Variants in SUN5 observed in about 807,000 individuals in gnomAD.
SUN5 encodes the protein SUN domain-containing protein 5.
SUN5 carries 44 observed loss-of-function variants against 53.7 expected under a neutral mutation model. That is an observed-to-expected ratio of 0.82 (90% CI 0.64 to 1.05). The LOEUF is 1.05. Ranked by LOEUF, SUN5 falls within the 50% of genes least tolerant of loss-of-function variation. SUN5 has a pLI of 0.00. For synonymous variants in SUN5, 166 were observed against 179.8 expected, an observed-to-expected ratio of 0.92 and a Z score of 0.62; for missense variants, 433 against 483.8, an observed-to-expected ratio of 0.90 and a Z score of 0.98.
In SUN5 at chr20:32,987,791, G is replaced by C. The variant is rs1246232327; in HGVS notation, c.614-16C>G. 4 of 1,604,344 alleles carry C rather than the reference G, an allele frequency of 2.5e-6. No individual in the cohort carries two copies. The highest frequency in any genetic ancestry group is 2.2e-5 in the East Asian group (1 of 44,686). ...ATGCTGGCCCCTGTATAGGAGAAGG[G>C]GGTCTCAGCCAAGCAGCCGGGCTTC... is the stretch of plus-strand genomic sequence containing the variant. On this transcript the variant is annotated splice_polypyrimidine_tract_variant and intron_variant, in intron 9 of 12. Transcript: ENST00000356173.
At chr20:33,001,066 G>C in intron 4 of SUN5, 146 bp downstream of exon 4, 1 of 837,774 alleles carries the variant, frequency 1.2e-6, no homozygotes, top group South Asian at 1.7e-5. Context: ...GGGTTCTGGG[G>C]TGGGAGTGTT....
chr20:32,996,980 C>T (rs1294254953), intron 6 of SUN5, among the ~76,000 whole-genome samples: 1 of 152,224 alleles, frequency 6.6e-6, no homozygotes, highest in Non-Finnish European at 1.5e-5. Flanking sequence ...TAGGACCTGG[C>T]TCCTTCCTTC....
chr20:33,001,035 G>T (rs1172943274), intron 4 of SUN5, among the ~76,000 whole-genome samples, 177 bp downstream of exon 4: 1 of 152,094 alleles, frequency 6.6e-6, no homozygotes, highest in East Asian at 1.9e-4. Context: ...CTGAGGGGCT[G>T]GAGCAATGGG....
At chr20:32,994,478 A>G (rs1989788305) in intron 8 of SUN5, among the ~76,000 whole-genome samples, 1 of 152,240 alleles carries the variant, frequency 6.6e-6, no homozygotes, top group Non-Finnish European at 1.5e-5. Context: ...ACTGTTGCTA[A>G]TGTGTTAATT....
In SUN5 at chr20:33,001,312, C is replaced by T. The variant is rs17123975; in HGVS notation, c.212-34G>A. The T allele has an allele frequency of 9.8e-3, 15,214 of 1,557,478 alleles. 1,237 individuals carry two copies. The African/African-American group carries it at 0.18, about 18-fold the overall frequency. On this transcript the variant is annotated intron_variant, in intron 3 of 12. Coordinates refer to ENST00000356173, the MANE Select transcript of SUN5 (RefSeq NM_080675.4). ...GAGACAGAAAAGCAGTGACTCACTACGCCCTCATCTTTGTCCCACTACAAG... is the reference window on the plus strand; with the variant it reads ...GAGACAGAAAAGCAGTGACTCACTATGCCCTCATCTTTGTCCCACTACAAG...
intron 2 of SUN5, 95 bp downstream of exon 2, chr20:33,002,766 C>T: frequency 6.3e-7 from 1 of 1,597,376 alleles, no homozygotes; most frequent in Non-Finnish European, 8.6e-7. Flanking sequence ...CTGCCCCTGC[C>T]CCTTGCTGGG....
At chr20:33,002,946 A>T (rs1217020327) in intron 1 of SUN5, 27 bp from the exon 2 acceptor site, 2 of 1,613,300 alleles carry the variant, frequency 1.2e-6, no homozygotes, top group African/African-American at 1.3e-5. Context: ...TCATAGTCGC[A>T]TTTTACAATT....
rs1298360657 is a variant in SUN5 at position 32,998,538 on chromosome 20, A to G, written c.341-851T>C. On this transcript the variant is annotated intron_variant, in intron 5 of 12. Transcript: ENST00000356173. ...TTCTTCTTGATAAAACCCTCAACGA[A>G]CTAGGAATAGAAGGGAAACTCCTCA... Among the ~76,000 whole-genome samples, 3 of 152,324 alleles carry G rather than the reference A, an allele frequency of 2.0e-5. No homozygotes were observed. The East Asian group carries it at 5.8e-4, about 29-fold the overall frequency.
chr20:32,996,229 C>A, intron 7 of SUN5, 95 bp downstream of exon 7: 1 of 1,303,240 alleles, frequency 7.7e-7, no homozygotes, highest in Non-Finnish European at 1.1e-6. Context: ...GTTGATCTGA[C>A]TGCAGAGCCT....
chr20:33,000,912 T>C (rs1275852024), intron 4 of SUN5, among the ~76,000 whole-genome samples: 2 of 148,684 alleles, frequency 1.3e-5, no homozygotes, highest in Admixed American at 6.7e-5. Context: ...ATAGGAATGG[T>C]GTGCCCAGGG....
In SUN5 at chr20:32,995,721, G is replaced by C; in HGVS notation, c.432C>G (p.Tyr144Ter). The C allele has an allele frequency of 6.2e-7, 1 of 1,613,468 alleles. No homozygotes were observed. The highest frequency in any genetic ancestry group is 8.5e-7 in the Non-Finnish European group (1 of 1,179,450). ...CACTGTGATGTCGCACCTTCTCCTG[G>C]TACAACCTTATCAGGAAGGAGTGAT... ...INGPLQSLRL[Y>*]QEKVRHHSGE... is the part of the protein sequence containing the mutation. The change falls in exon 8 of 13, where the codon TAC (tyrosine) becomes TAG (stop). Residue 144 changes from tyrosine to a stop codon, truncating the protein, a stop_gained. Transcript: ENST00000356173. LOFTEE classifies it high-confidence loss of function.
chr20:33,000,917 C>A (rs890529644), intron 4 of SUN5, among the ~76,000 whole-genome samples: 2 of 151,700 alleles, frequency 1.3e-5, no homozygotes, highest in African/African-American at 4.9e-5. Context: ...AATGGTGTGC[C>A]CAGGGAGTGA....
intron 3 of SUN5, among the ~76,000 whole-genome samples, chr20:33,001,984 A>G (rs1371518474): frequency 2.6e-5 from 4 of 152,106 alleles, no homozygotes; most frequent in African/African-American, 7.2e-5. Flanking sequence ...AGGAGCACAA[A>G]AGGCCTGGAA....
chr20:32,990,029 G>C (rs536410086), intron 8 of SUN5, among the ~76,000 whole-genome samples: 208 of 152,184 alleles, frequency 1.4e-3, no homozygotes, highest in African/African-American at 4.8e-3. Flanking sequence ...TCTGAGTCTC[G>C]ATATTCTCAC....
At chr20:32,996,257 AC>A in intron 7 of SUN5, 66 bp downstream of exon 7, 2 of 1,522,366 alleles carry the variant, frequency 1.3e-6, no homozygotes, top group Non-Finnish European at 9.1e-7. Context: ...TAGCCAATAC[AC>A]CCCAGATTCT....
chr20:32,987,630 C>T (rs1006824998), intron 10 of SUN5, 30 bp downstream of exon 10: 20 of 1,551,382 alleles, frequency 1.3e-5, no homozygotes, highest in East Asian at 4.7e-5. Flanking sequence ...ACTCCCCTGC[C>T]GCTGTCCCAT....
intron 12 of SUN5, among the ~76,000 whole-genome samples, 184 bp downstream of exon 12, chr20:32,984,915 G>A (rs1021702640): frequency 1.3e-5 from 2 of 152,176 alleles, no homozygotes; most frequent in African/African-American, 4.8e-5. Flanking sequence ...GATCTCCCTG[G>A]AGTCCCATTT....
intron 12 of SUN5, 139 bp downstream of exon 12, chr20:32,984,958 TCA>T (rs1168390072): frequency 2.4e-6 from 2 of 837,976 alleles, no homozygotes; most frequent in Admixed American, 2.4e-5. Flanking sequence ...TCTCTGAGCC[TCA>T]GTTTCCTTGC....
chr20:32,988,488 C>G (rs1293299276), intron 9 of SUN5, among the ~76,000 whole-genome samples: 1 of 152,198 alleles, frequency 6.6e-6, no homozygotes, highest in African/African-American at 2.4e-5. Context: ...AGTCTCAGCC[C>G]AAACGTTCTC....
Sources: gnomAD v4.1 joint callset for allele counts (sites outside exome capture counted in the v4.1 genomes callset) on GRCh38, gnomAD v4.1.1 for gene constraint, MANE v1.5 for transcripts, NCBI Gene and HGNC (gene_info 2026-07-23, HGNC 2026-07-21) for gene names.